Variants in KLF17 observed in about 807,000 individuals in gnomAD.
The protein encoded by KLF17 is Krueppel-like factor 17.
Under a neutral mutation model 34.2 loss-of-function variants are expected in KLF17, and 31 were observed. That is an observed-to-expected ratio of 0.91 (90% CI 0.68 to 1.22). The LOEUF is 1.22. Ranked by LOEUF, KLF17 falls within the 50% of genes most tolerant of loss-of-function variation. The pLI is 0.00. For synonymous variants in KLF17, 179 were observed against 186.7 expected (o/e 0.96, Z 0.34); for missense variants, 478 against 505.2 (o/e 0.95, Z 0.52).
At chr1:44,065,846 C>A in the KLF17 span, among the ~76,000 whole-genome samples, 1 of 151,080 alleles carries the variant, frequency 6.6e-6, no homozygotes, top group Non-Finnish European at 1.5e-5. Flanking sequence ...CAGATAATGC[C>A]TATAAAATAG....
intron 1 of KLF17, among the ~76,000 whole-genome samples, chr1:44,126,494 C>T (rs541567872): frequency 4.6e-5 from 7 of 152,308 alleles, no homozygotes; most frequent in Non-Finnish European, 8.8e-5. Context: ...GCCTTTAATA[C>T]CCTTCATTGT....
the KLF17 span, among the ~76,000 whole-genome samples, chr1:44,083,764 A>C: frequency 7.2e-6 from 1 of 139,240 alleles, no homozygotes; most frequent in Non-Finnish European, 1.5e-5. Context: ...ACTGTATTCC[A>C]GCTTGGGAGA....
rs1191730059 is a variant in KLF17, at chr1:44,118,939, A to G, written c.32A>G (p.Gln11Arg). The G allele has an allele frequency of 6.2e-7, 1 of 1,612,344 alleles. No homozygotes were observed. The highest frequency in any genetic ancestry group is 1.1e-5 in the South Asian group (1 of 90,758). Residue 11 changes from glutamine (Q) to arginine (R), a missense_variant, in exon 1 of 4, where the codon CAG becomes CGG. Transcript: ENST00000372299. MYGRPQAEME[Q>R]EAGELSRWQA... ...GGCCGACCGCAGGCTGAGATGGAAC[A>G]GGAGGCTGGGGAGCTGAGCCGGTGG...
chr1:44,122,842 AC>A (rs945212347), intron 1 of KLF17, among the ~76,000 whole-genome samples: 1 of 150,966 alleles, frequency 6.6e-6, no homozygotes, highest in African/African-American at 2.4e-5. Flanking sequence ...CAAGTGATCC[AC>A]CCCCCTTGGC....
At chr1:44,113,698 T>C in the KLF17 span, 2 of 152,212 alleles carry the variant, frequency 1.3e-5, no homozygotes, top group Non-Finnish European at 2.9e-5. Context: ...CGCATCAGCA[T>C]TAGTTTCCAT....
At chr1:44,071,447 A>G in the KLF17 span, among the ~76,000 whole-genome samples, 1 of 152,150 alleles carries the variant, frequency 6.6e-6, no homozygotes, top group Non-Finnish European at 1.5e-5. Flanking sequence ...CACTAAGTCC[A>G]AAATTGATTC....
chr1:44,069,572 C>G, the KLF17 span, among the ~76,000 whole-genome samples: 371 of 151,968 alleles, frequency 2.4e-3, no homozygotes, highest in South Asian at 4.2e-3. The surrounding 1 kb of genome is among the most constrained non-coding windows in gnomAD (Gnocchi z 4.7). Context: ...AGCGAGAAAT[C>G]ACTCATTATT....
the KLF17 span, among the ~76,000 whole-genome samples, chr1:44,049,336 A>G: frequency 6.6e-6 from 1 of 152,214 alleles, no homozygotes; most frequent in East Asian, 1.9e-4. Flanking sequence ...CATTTAGTTC[A>G]TAATAATAAC....
At chr1:44,078,156 A>T in the KLF17 span, among the ~76,000 whole-genome samples, 1 of 152,238 alleles carries the variant, frequency 6.6e-6, no homozygotes, top group Admixed American at 6.5e-5. Flanking sequence ...ATGTCTTAAT[A>T]ACACTGAAAC....
chr1:44,083,031 T>A, the KLF17 span, among the ~76,000 whole-genome samples: 2 of 150,002 alleles, frequency 1.3e-5, no homozygotes, highest in Non-Finnish European at 3.0e-5. Context: ...ACCTTCAAAC[T>A]CGTGAGCTCA....
the KLF17 span, among the ~76,000 whole-genome samples, chr1:44,070,401 A>G: frequency 0.13 from 19,677 of 151,904 alleles, 1,491 homozygotes; most frequent in African/African-American, 0.21. Flanking sequence ...CTACTTCCAC[A>G]TGTACACATT....
intron 1 of KLF17, among the ~76,000 whole-genome samples, chr1:44,125,501 G>A (rs908221781): frequency 6.6e-6 from 1 of 151,856 alleles, no homozygotes; most frequent in Admixed American, 6.6e-5. Flanking sequence ...TTTTTGAGAC[G>A]GGGTCTCACT....
chr1:44,108,241 A>G, the KLF17 span, among the ~76,000 whole-genome samples: 6,579 of 152,296 alleles, frequency 0.043, 181 homozygotes, highest in African/African-American at 0.078. Context: ...AGCTCTGTCC[A>G]GATGCCTTCT....
the KLF17 span, among the ~76,000 whole-genome samples, chr1:44,056,113 GAGACAGTCT>G: frequency 6.6e-6 from 1 of 152,152 alleles, no homozygotes; most frequent in Non-Finnish European, 1.5e-5. Flanking sequence ...CAAGGTTTTA[GAGACAGTCT>G]CCATCTCTTC....
At chr1:44,076,378 A>G in the KLF17 span, 3 of 152,234 alleles carry the variant, frequency 2.0e-5, no homozygotes, top group African/African-American at 2.4e-5. Context: ...GCACAATAAC[A>G]TTGTATTGTA....
the KLF17 span, chr1:44,076,050 C>T: frequency 2.0e-5 from 3 of 152,282 alleles, no homozygotes; most frequent in East Asian, 1.9e-4. Context: ...CTTCATGTGC[C>T]TTCTCAGATT....
the KLF17 span, among the ~76,000 whole-genome samples, chr1:44,097,927 A>G: frequency 1.3e-5 from 2 of 152,086 alleles, no homozygotes; most frequent in Admixed American, 6.6e-5. Flanking sequence ...TTGTTGCTTT[A>G]CATATGTTGA....
chr1:44,063,909 G>A, the KLF17 span, among the ~76,000 whole-genome samples: 3 of 152,160 alleles, frequency 2.0e-5, no homozygotes, highest in African/African-American at 7.2e-5. Context: ...AGGGATTAGG[G>A]AAGCCAGAGC....
chr1:44,130,002 ACT>A lies in KLF17; in HGVS notation c.735_736del (p.Gln246ArgfsTer28). 6.2e-7 allele frequency: 1 copy of A among 1,613,976 alleles called. No homozygotes were observed. Among genetic ancestry groups the A allele is most frequent in the South Asian group, 1.1e-5 (1 of 91,076 alleles). ...CAGGACTCTCTTGTCAGTCAGCCAGACTCTCAAGAAGGCCCATTTCTACCAGA... is the reference window on the plus strand; with the variant it reads ...CAGGACTCTCTTGTCAGTCAGCCAGACTCAAGAAGGCCCATTTCTACCAGA... On this transcript the variant is annotated frameshift_variant, in exon 2 of 4. Coordinates refer to ENST00000372299, the MANE Select transcript of KLF17 (RefSeq NM_173484.4). LOFTEE classifies it high-confidence loss of function.
Sources: gnomAD v4.1 joint callset for allele counts (sites outside exome capture counted in the v4.1 genomes callset) on GRCh38, gnomAD v4.1.1 for gene constraint, Gnocchi (gnomAD v3.1) non-coding constraint, MANE v1.5 for transcripts, NCBI Gene and HGNC (gene_info 2026-07-23, HGNC 2026-07-21) for gene names.